The following ACTMAP variants were observed in gnomAD, a reference collection of about 807,000 sequenced individuals.
ACTMAP encodes UPF0692 protein C19orf54.
chr19:40,745,286 G>C, the ACTMAP span: 4 of 1,290,096 alleles, frequency 3.1e-6, no homozygotes, highest in Non-Finnish European at 4.4e-6. Flanking sequence ...CGTATCCAGG[G>C]ATGATGAAGG....
the ACTMAP span, among the ~76,000 whole-genome samples, chr19:40,749,272 T>C: frequency 6.6e-6 from 1 of 152,196 alleles, no homozygotes; most frequent in African/African-American, 2.4e-5. Flanking sequence ...ATTACATGCA[T>C]GAGCCAAAGC....
chr19:40,741,165 G>A, the ACTMAP span: 1 of 396,994 alleles, frequency 2.5e-6, no homozygotes, highest in Admixed American at 4.3e-5. Flanking sequence ...ACTGTGGCCG[G>A]GCTCAGTGGC....
At chr19:40,749,984 G>T in the ACTMAP span, 30,527 of 499,430 alleles carry the variant, frequency 0.061, 1,459 homozygotes, top group East Asian at 0.24. Flanking sequence ...AGCAGGAATT[G>T]CGAGGCTGAC....
At chr19:40,742,400 G>A in the ACTMAP span, 44 of 1,444,910 alleles carry the variant, frequency 3.0e-5, no homozygotes, top group South Asian at 3.7e-4. Context: ...AATGGTTACC[G>A]AGCTAGGCTG....
At chr19:40,744,510 G>T in the ACTMAP span, 2,585 of 1,605,268 alleles carry the variant, frequency 1.6e-3, 35 homozygotes, top group African/African-American at 0.029. Context: ...CAGCCTCTCT[G>T]GTCCCAGCCT....
the ACTMAP span, chr19:40,745,001 C>T: frequency 8.6e-7 from 1 of 1,158,062 alleles, no homozygotes; most frequent in Non-Finnish European, 1.3e-6. Context: ...TGGAAAGTTC[C>T]CCCTTTCCTT....
the ACTMAP span, among the ~76,000 whole-genome samples, chr19:40,747,165 G>T: frequency 1.3e-4 from 20 of 152,206 alleles, no homozygotes; most frequent in Admixed American, 7.2e-4. Context: ...TTGGGTGTTG[G>T]GGGGGTGCGG....
the ACTMAP span, chr19:40,749,987 AG>A: frequency 4.1e-6 from 2 of 492,374 alleles, no homozygotes; most frequent in Non-Finnish European, 6.9e-6. Flanking sequence ...AGGAATTGCG[AG>A]GCTGACTCAA....
At chr19:40,742,346 A>G in the ACTMAP span, 1,435 of 1,329,088 alleles carry the variant, frequency 1.1e-3, 15 homozygotes, top group African/African-American at 0.019. Context: ...CCTAGCTTCA[A>G]TCTTGTCGCC....
chr19:40,744,956 A>T, the ACTMAP span: 1 of 826,990 alleles, frequency 1.2e-6, no homozygotes, highest in African/African-American at 1.7e-5. Flanking sequence ...GCATGTCCCA[A>T]CTATGTTTAC....
chr19:40,749,148 A>T, the ACTMAP span, among the ~76,000 whole-genome samples: 1 of 151,654 alleles, frequency 6.6e-6, no homozygotes, highest in South Asian at 2.1e-4. Flanking sequence ...ATGCCACCAC[A>T]CCTGGCTAAT....
chr19:40,743,357 C>T, the ACTMAP span, among the ~76,000 whole-genome samples: 1 of 151,982 alleles, frequency 6.6e-6, no homozygotes, highest in African/African-American at 2.4e-5. Context: ...TTCAGCCTCC[C>T]AAGTAGCTAG....
chr19:40,743,678 G>A, the ACTMAP span, among the ~76,000 whole-genome samples: 1 of 152,212 alleles, frequency 6.6e-6, no homozygotes, highest in Non-Finnish European at 1.5e-5. Context: ...AGAAGAGGCT[G>A]TGCCAGGCCT....
the ACTMAP span, chr19:40,742,744 G>A: frequency 6.2e-7 from 1 of 1,610,016 alleles, no homozygotes; most frequent in African/African-American, 1.3e-5. Flanking sequence ...CCGAGACTGG[G>A]CACAGCCCGA....
At chr19:40,748,183 G>A in the ACTMAP span, among the ~76,000 whole-genome samples, 2 of 152,094 alleles carry the variant, frequency 1.3e-5, no homozygotes, top group Non-Finnish European at 2.9e-5. Context: ...GTGTCCGGAG[G>A]CCAGGCCCAG....
At chr19:40,742,473 CCA>C in the ACTMAP span, 1 of 1,475,492 alleles carries the variant, frequency 6.8e-7, no homozygotes, top group African/African-American at 1.4e-5. Context: ...CAGGGCCTGG[CCA>C]CAGAGGCCAG....
the ACTMAP span, chr19:40,742,860 A>C: frequency 7.7e-7 from 1 of 1,296,134 alleles, no homozygotes; most frequent in Non-Finnish European, 1.1e-6. Context: ...CCGGCCCTCC[A>C]GGGTGGGTGC....
the ACTMAP span, chr19:40,744,680 G>A: frequency 5.5e-3 from 8,839 of 1,607,408 alleles, 101 homozygotes; most frequent in South Asian, 0.034. Context: ...CCACCAGCCC[G>A]CATCTGGGGA....
chr19:40,748,943 G>A, the ACTMAP span, among the ~76,000 whole-genome samples: 1 of 151,420 alleles, frequency 6.6e-6, no homozygotes, highest in Non-Finnish European at 1.5e-5. Context: ...TGTCTGGAAA[G>A]GTGGAGGGAT....
Sources: gnomAD v4.1 joint callset for allele counts (sites outside exome capture counted in the v4.1 genomes callset) on GRCh38, gnomAD v4.1.1 for gene constraint, MANE v1.5 for transcripts, NCBI Gene and HGNC (gene_info 2026-07-23, HGNC 2026-07-21) for gene names.